TET3: variants seen among roughly 807,000 people sequenced by gnomAD.
The protein encoded by TET3 is methylcytosine dioxygenase TET3.
A neutral mutation model predicts 141.4 loss-of-function variants in TET3; 19 were observed. That is an observed-to-expected ratio of 0.13 (90% CI 0.09 to 0.20). The LOEUF (loss-of-function observed/expected upper bound fraction) is 0.20, where lower values mean the gene tolerates loss of function less well. TET3 is among the 10% of genes least tolerant of loss of function. TET3 has a pLI of 1.00. For missense variants in TET3, 1,874 were observed against 2,356.9 expected, an observed-to-expected ratio of 0.80 and a Z score of 4.24; for synonymous variants, 1,043 against 980.9, an observed-to-expected ratio of 1.06 and a Z score of -1.18.
At chr2:74,018,744 CTT>C (rs10717099) in intron 3 of TET3, among the ~76,000 whole-genome samples, 2,946 of 137,042 alleles carry the variant, frequency 0.021, 40 homozygotes, top group African/African-American at 0.043. Flanking sequence ...ATACTTCTTA[CTT>C]TTTTTTTTTT....
intron 6 of TET3, among the ~76,000 whole-genome samples, chr2:74,082,371 T>A (rs886988021): frequency 3.9e-5 from 6 of 152,098 alleles, no homozygotes; most frequent in African/African-American, 1.5e-4. Context: ...GTCCTCAGTA[T>A]GCCATTGCTC....
intron 4 of TET3, among the ~76,000 whole-genome samples, chr2:74,050,969 A>G (rs1459235915): frequency 6.6e-6 from 1 of 152,146 alleles, no homozygotes; most frequent in African/African-American, 2.4e-5. Flanking sequence ...AAGTGGCTAT[A>G]TCGCAGGGGT....
At chr2:74,004,420 G>C (rs1461857378) in intron 3 of TET3, among the ~76,000 whole-genome samples, 1 of 152,190 alleles carries the variant, frequency 6.6e-6, no homozygotes, top group African/African-American at 2.4e-5. Flanking sequence ...GTAGGGAGGG[G>C]CTCTGCTTCC....
chr2:73,994,616 TTC>T (rs1684489156), intron 2 of TET3, among the ~76,000 whole-genome samples: 1 of 134,262 alleles, frequency 7.4e-6, no homozygotes, highest in Non-Finnish European at 1.5e-5. Flanking sequence ...TCTATTTTTT[TTC>T]TTTCTTTCTT....
At chr2:74,034,272 A>G (rs1437667689) in intron 3 of TET3, among the ~76,000 whole-genome samples, 1 of 151,458 alleles carries the variant, frequency 6.6e-6, no homozygotes, top group Non-Finnish European at 1.5e-5. Flanking sequence ...TATTACTTGA[A>G]CCATACTTGA....
At chr2:74,035,345 T>G (rs1276318536) in intron 3 of TET3, among the ~76,000 whole-genome samples, 1 of 143,042 alleles carries the variant, frequency 7.0e-6, no homozygotes, top group Admixed American at 7.2e-5. Flanking sequence ...GCACCTGTAA[T>G]CCCAGCTACT....
intron 2 of TET3, among the ~76,000 whole-genome samples, chr2:74,002,144 C>G (rs1250352310): frequency 6.6e-6 from 1 of 152,138 alleles, no homozygotes; most frequent in East Asian, 1.9e-4. Flanking sequence ...GCTCAGAGTC[C>G]CGGCTCTGCT....
chr2:74,081,303 G>C (rs933190925), intron 6 of TET3, among the ~76,000 whole-genome samples: 121 of 152,350 alleles, frequency 7.9e-4, no homozygotes, highest in Admixed American at 1.6e-3. Flanking sequence ...TGCTGAGGAG[G>C]AGCAGCCAGG....
chr2:74,041,490 G>C (rs1418859191), intron 3 of TET3, among the ~76,000 whole-genome samples: 1 of 152,142 alleles, frequency 6.6e-6, no homozygotes, highest in African/African-American at 2.4e-5. Context: ...GTTCAGGTCA[G>C]GTCATAGCTG....
At chr2:74,125,182 A>G in the TET3 span, among the ~76,000 whole-genome samples, 2 of 152,002 alleles carry the variant, frequency 1.3e-5, no homozygotes, top group Non-Finnish European at 2.9e-5. Context: ...GGGTTTCACC[A>G]TGTTGGCCAG....
chr2:74,072,311 G>T (rs773641591), intron 4 of TET3, among the ~76,000 whole-genome samples: 1 of 152,080 alleles, frequency 6.6e-6, no homozygotes, highest in Non-Finnish European at 1.5e-5. Flanking sequence ...TCAGGAGTTC[G>T]AGACCAGCCT....
chr2:74,100,879 C>T lies in TET3; in HGVS notation c.4091C>T (p.Pro1364Leu), dbSNP rs760684333. ...CACCAGCAGCCTGCGTACCCAGGCC[C>T]CAAGGAGTATCTGCTTCCCAAGGCC... ...PHHQQPAYPG[P>L]KEYLLPKAPL... Residue 1364 changes from proline to leucine, a missense_variant, in exon 12 of 12, where the codon CCC becomes CTC. By Grantham distance (98) the Pro-to-Leu change is moderately conservative. Transcript: ENST00000409262. The T allele has an allele frequency of 1.6e-5, 25 of 1,610,786 alleles. 1 individual carries two copies. The highest frequency in any genetic ancestry group is 1.7e-4 in the Middle Eastern group (1 of 6,060).
At chr2:74,125,570 A>G in the TET3 span, among the ~76,000 whole-genome samples, 1 of 151,920 alleles carries the variant, frequency 6.6e-6, no homozygotes, top group East Asian at 1.9e-4. Context: ...CAGCATTTAT[A>G]AATAACAAAA....
At chr2:74,000,102 T>C (rs188382678) in intron 2 of TET3, among the ~76,000 whole-genome samples, 2 of 152,204 alleles carry the variant, frequency 1.3e-5, no homozygotes, top group Non-Finnish European at 2.9e-5. Context: ...CTGAGGAAGA[T>C]AGGTGCTGGT....
At chr2:73,984,559 G>A (rs975917785), upstream of TET3, among the ~76,000 whole-genome samples, 6 of 151,966 alleles carry the variant, frequency 3.9e-5, no homozygotes, top group African/African-American at 1.4e-4. The surrounding 1 kb of genome is among the most constrained non-coding windows in gnomAD (Gnocchi z 5.6). Context: ...GCGAGGCTCG[G>A]CCGAGGGCCT....
the TET3 span, among the ~76,000 whole-genome samples, chr2:74,118,236 A>G: frequency 0.02 from 3,043 of 151,400 alleles, 108 homozygotes; most frequent in African/African-American, 0.071. Flanking sequence ...GAATAACACC[A>G]TGGCACCCAC....
chr2:74,074,405 C>T (rs1212133806), intron 5 of TET3, among the ~76,000 whole-genome samples: 1 of 152,190 alleles, frequency 6.6e-6, no homozygotes, highest in African/African-American at 2.4e-5. Context: ...TGATTATATA[C>T]ATCATGAGTT....
chr2:74,089,209 G>A (rs1437595971), intron 7 of TET3, among the ~76,000 whole-genome samples: 1 of 151,744 alleles, frequency 6.6e-6, no homozygotes, highest in Non-Finnish European at 1.5e-5. Context: ...TCCTGTTCCT[G>A]TAGGTTTACC....
chr2:74,045,049 A>G (rs1189935572), intron 3 of TET3, among the ~76,000 whole-genome samples: 2 of 152,234 alleles, frequency 1.3e-5, no homozygotes, highest in African/African-American at 2.4e-5. Context: ...AAAACAATAC[A>G]GGTACTTTCT....
Sources: allele counts gnomAD v4.1 joint callset (sites outside exome capture counted in the v4.1 genomes callset), GRCh38; gene constraint gnomAD v4.1.1; non-coding constraint Gnocchi (gnomAD v3.1); transcripts MANE v1.5; gene names NCBI Gene and HGNC (gene_info 2026-07-23, HGNC 2026-07-21).